PLXNA2: variants seen among roughly 807,000 people sequenced by gnomAD.
The protein encoded by PLXNA2 is plexin A2, also known as plexin-A2.
Under a neutral mutation model 193.5 loss-of-function variants are expected in PLXNA2, and 91 were observed. The observed-to-expected ratio is 0.47, with a 90% CI of 0.40 to 0.56. The LOEUF (loss-of-function observed/expected upper bound fraction) is 0.56, where lower values mean the gene tolerates loss of function less well. PLXNA2 is among the 20% of genes least tolerant of loss of function. The pLI is 0.00. For synonymous variants in PLXNA2, 997 were observed against 1,027.3 expected (o/e 0.97, Z 0.56); for missense variants, 1,995 against 2,503.2 (o/e 0.80, Z 4.33).
intron 4 of PLXNA2, among the ~76,000 whole-genome samples, chr1:208,136,588 G>A (rs77536711): frequency 5.5e-4 from 83 of 152,250 alleles, no homozygotes; most frequent in Non-Finnish European, 7.1e-4. Context: ...CTCACACATC[G>A]GCCTGGGGCT....
intron 4 of PLXNA2, among the ~76,000 whole-genome samples, chr1:208,115,929 C>T (rs943207428): frequency 6.6e-6 from 1 of 152,198 alleles, no homozygotes; most frequent in Admixed American, 6.5e-5. Flanking sequence ...AACAAGAAAA[C>T]TCTGCCTATC....
intron 3 of PLXNA2, among the ~76,000 whole-genome samples, chr1:208,176,671 G>C (rs969184606): frequency 6.6e-6 from 1 of 152,224 alleles, no homozygotes; most frequent in African/African-American, 2.4e-5. Flanking sequence ...TACTGTGTCT[G>C]TTCATGTAGC....
chr1:208,220,427 G>C (rs1457216386), intron 1 of PLXNA2, among the ~76,000 whole-genome samples: 1 of 151,906 alleles, frequency 6.6e-6, no homozygotes. Flanking sequence ...ACTTATGTTA[G>C]TTTTTGTTAT....
chr1:208,037,539 G>A (rs555414989), intron 26 of PLXNA2, among the ~76,000 whole-genome samples: 307 of 152,192 alleles, frequency 2.0e-3, no homozygotes, highest in Middle Eastern at 3.4e-3. Context: ...AGCCTGAGGC[G>A]CTTCCTCTAG....
chr1:208,048,863 C>A (rs538286762), intron 17 of PLXNA2, among the ~76,000 whole-genome samples: 1 of 152,208 alleles, frequency 6.6e-6, no homozygotes, highest in African/African-American at 2.4e-5. Context: ...GGGAATGTCC[C>A]TCCCAGGGCA....
At chr1:208,198,305 C>A (rs1670423786) in intron 3 of PLXNA2, among the ~76,000 whole-genome samples, 1 of 152,204 alleles carries the variant, frequency 6.6e-6, no homozygotes, top group Non-Finnish European at 1.5e-5. Context: ...CTTTGCCTGG[C>A]CAGCTCTGAA....
intron 1 of PLXNA2, among the ~76,000 whole-genome samples, chr1:208,227,787 C>CTCTCA (rs907898554): frequency 2.0e-5 from 3 of 152,176 alleles, no homozygotes; most frequent in Non-Finnish European, 4.4e-5. Flanking sequence ...CTGGAAATGT[C>CTCTCA]TCTCATCCAG....
intron 27 of PLXNA2, among the ~76,000 whole-genome samples, chr1:208,033,832 G>C (rs370032066): frequency 6.6e-6 from 1 of 152,200 alleles, no homozygotes; most frequent in Non-Finnish European, 1.5e-5. Flanking sequence ...GGATATTTTC[G>C]TCGGTGTTTT....
chr1:208,152,262 C>T (rs1435411148), intron 3 of PLXNA2, among the ~76,000 whole-genome samples: 3 of 152,194 alleles, frequency 2.0e-5, no homozygotes, highest in African/African-American at 7.2e-5. Flanking sequence ...TAAAAGAAGT[C>T]ATTAAAAACA....
chr1:208,041,515 G>T (rs367969210), intron 22 of PLXNA2, among the ~76,000 whole-genome samples: 10 of 152,194 alleles, frequency 6.6e-5, no homozygotes, highest in Non-Finnish European at 1.3e-4. Context: ...TCAGTGCTGC[G>T]CAATAGAACC....
At chr1:208,065,641 G>A (rs1299217811) in intron 12 of PLXNA2, among the ~76,000 whole-genome samples, 1 of 152,192 alleles carries the variant, frequency 6.6e-6, no homozygotes, top group Non-Finnish European at 1.5e-5. Context: ...GCAGCACATG[G>A]ATGAGGGAGC....
At chr1:208,098,803 G>A (rs1395318033) in intron 6 of PLXNA2, 43 bp downstream of exon 6, 2 of 1,603,560 alleles carry the variant, frequency 1.2e-6, no homozygotes, top group Non-Finnish European at 1.7e-6. Flanking sequence ...ACAGGTGCAT[G>A]CACTGTATTC....
intron 17 of PLXNA2, among the ~76,000 whole-genome samples, chr1:208,049,541 C>A (rs1165395071): frequency 1.3e-5 from 2 of 152,180 alleles, no homozygotes; most frequent in Non-Finnish European, 2.9e-5. Flanking sequence ...AGGTGTGGTA[C>A]AAGTGCTCCC....
At chr1:208,235,720 G>T (rs1484080926) in intron 1 of PLXNA2, among the ~76,000 whole-genome samples, 3 of 152,176 alleles carry the variant, frequency 2.0e-5, no homozygotes, top group African/African-American at 4.8e-5. Flanking sequence ...CTGACCATCT[G>T]CTCTCAACCA....
At chr1:208,184,431 A>G (rs775857954) in intron 3 of PLXNA2, among the ~76,000 whole-genome samples, 1 of 151,982 alleles carries the variant, frequency 6.6e-6, no homozygotes, top group Non-Finnish European at 1.5e-5. Context: ...TTAAAAAAAA[A>G]AAAACCAAGG....
chr1:208,121,140 G>A (rs958494941), intron 4 of PLXNA2, among the ~76,000 whole-genome samples: 2 of 152,184 alleles, frequency 1.3e-5, no homozygotes, highest in Non-Finnish European at 2.9e-5. Context: ...AACCAATGCT[G>A]CTGGGAAGGA....
intron 3 of PLXNA2, among the ~76,000 whole-genome samples, chr1:208,202,203 C>T (rs1572027087): frequency 6.6e-6 from 1 of 152,068 alleles, no homozygotes; most frequent in Non-Finnish European, 1.5e-5. Flanking sequence ...TGGTCTCGAA[C>T]TCCTGACCTC....
At chr1:208,048,960 T>TGAGGA (rs1187606807) in intron 17 of PLXNA2, among the ~76,000 whole-genome samples, 2 of 152,168 alleles carry the variant, frequency 1.3e-5, no homozygotes, top group Non-Finnish European at 2.9e-5. Flanking sequence ...AACTGCCCCT[T>TGAGGA]TCCACACTAT....
At chr1:208,242,227 G>A (rs994733719) in intron 1 of PLXNA2, among the ~76,000 whole-genome samples, 1 of 152,138 alleles carries the variant, frequency 6.6e-6, no homozygotes, top group Non-Finnish European at 1.5e-5. Context: ...AGAGGGAAGA[G>A]TGAAGTTTCA....
Sources: gnomAD v4.1 joint callset for allele counts (sites outside exome capture counted in the v4.1 genomes callset) on GRCh38, gnomAD v4.1.1 for gene constraint, MANE v1.5 for transcripts, NCBI Gene and HGNC (gene_info 2026-07-23, HGNC 2026-07-21) for gene names.